The following ARB2A variants were observed in gnomAD, a reference collection of about 807,000 sequenced individuals.
ARB2A encodes ARB2 cotranscriptional regulator A.
At chr5:93,676,503 G>A in the ARB2A span, among the ~76,000 whole-genome samples, 1 of 152,096 alleles carries the variant, frequency 6.6e-6, no homozygotes, top group Non-Finnish European at 1.5e-5. Context: ...TTTTAATCGA[G>A]TTTTGGCTGG....
chr5:93,909,512 C>T, the ARB2A span, among the ~76,000 whole-genome samples: 1 of 150,922 alleles, frequency 6.6e-6, no homozygotes, highest in Non-Finnish European at 1.5e-5. Flanking sequence ...AAATCAAGCT[C>T]TCATGCTCTA....
At chr5:93,761,252 G>T in the ARB2A span, among the ~76,000 whole-genome samples, 2 of 152,146 alleles carry the variant, frequency 1.3e-5, no homozygotes, top group African/African-American at 4.8e-5. Flanking sequence ...CCAAAGCAGG[G>T]TGAGGTATCC....
At chr5:93,893,241 C>T in the ARB2A span, among the ~76,000 whole-genome samples, 1 of 152,098 alleles carries the variant, frequency 6.6e-6, no homozygotes, top group African/African-American at 2.4e-5. Context: ...ACTTCATGGG[C>T]CACAGCCACT....
chr5:93,835,105 T>C, the ARB2A span, among the ~76,000 whole-genome samples: 1 of 152,200 alleles, frequency 6.6e-6, no homozygotes, highest in Non-Finnish European at 1.5e-5. Context: ...TTCTGCTACA[T>C]TCAGAATACA....
chr5:94,104,166 A>T, the ARB2A span, among the ~76,000 whole-genome samples: 4 of 152,004 alleles, frequency 2.6e-5, no homozygotes, highest in South Asian at 8.3e-4. Context: ...GAGCTGACTG[A>T]ACAAAACTAA....
At chr5:93,844,607 G>A in the ARB2A span, among the ~76,000 whole-genome samples, 22 of 151,940 alleles carry the variant, frequency 1.4e-4, no homozygotes, top group African/African-American at 5.3e-4. Context: ...TTTAAAATAA[G>A]AAATAAATCA....
At chr5:93,866,041 TATA>T in the ARB2A span, 12 of 983,198 alleles carry the variant, frequency 1.2e-5, no homozygotes, top group Non-Finnish European at 1.3e-5. Context: ...CTAAATAATC[TATA>T]ATATGCTATT....
the ARB2A span, among the ~76,000 whole-genome samples, chr5:94,068,601 A>G: frequency 3.1e-4 from 47 of 152,232 alleles, no homozygotes; most frequent in East Asian, 7.7e-3. Flanking sequence ...CTCAGGCAAT[A>G]TATGATTTGA....
the ARB2A span, among the ~76,000 whole-genome samples, chr5:93,983,172 TGTGTGTGTGTGTG>T: frequency 4.0e-3 from 1 of 250 alleles, no homozygotes; most frequent in East Asian, 0.5. Flanking sequence ...TGTGGAGAGG[TGTGTGTGTGTGTG>T]TGTGTGTGTG....
At chr5:94,072,702 A>G in the ARB2A span, among the ~76,000 whole-genome samples, 3 of 152,132 alleles carry the variant, frequency 2.0e-5, no homozygotes, top group Non-Finnish European at 4.4e-5. Flanking sequence ...AGTAAGAGGC[A>G]GTAAACTAAA....
At chr5:93,817,733 A>G in the ARB2A span, among the ~76,000 whole-genome samples, 1 of 152,204 alleles carries the variant, frequency 6.6e-6, no homozygotes, top group Non-Finnish European at 1.5e-5. Context: ...GTATTTTTCA[A>G]TAAGTGGTGC....
At chr5:93,692,353 AAAAACAAAAC>A in the ARB2A span, among the ~76,000 whole-genome samples, 1 of 152,048 alleles carries the variant, frequency 6.6e-6, no homozygotes, top group South Asian at 2.1e-4. Flanking sequence ...AAACAAAAAC[AAAAACAAAAC>A]AAAACAAGCA....
the ARB2A span, among the ~76,000 whole-genome samples, chr5:93,952,241 T>A: frequency 1.3e-5 from 2 of 152,184 alleles, no homozygotes; most frequent in Non-Finnish European, 2.9e-5. Flanking sequence ...GAAATTTATA[T>A]GGAACCACAA....
chr5:93,850,982 T>C, the ARB2A span, among the ~76,000 whole-genome samples: 5 of 152,226 alleles, frequency 3.3e-5, no homozygotes, highest in East Asian at 1.9e-4. Flanking sequence ...TCTTAGTCAT[T>C]GATTGGTTCT....
At chr5:94,029,100 T>C in the ARB2A span, among the ~76,000 whole-genome samples, 1 of 152,272 alleles carries the variant, frequency 6.6e-6, no homozygotes, top group East Asian at 1.9e-4. Flanking sequence ...CAAGCGATTT[T>C]CCCACCTCAT....
the ARB2A span, among the ~76,000 whole-genome samples, chr5:93,811,933 G>C: frequency 6.6e-6 from 1 of 152,078 alleles, no homozygotes; most frequent in Non-Finnish European, 1.5e-5. Context: ...ACCCAGTCAT[G>C]TCTTAGGCCA....
the ARB2A span, among the ~76,000 whole-genome samples, chr5:93,638,141 C>T: frequency 6.6e-6 from 1 of 152,206 alleles, no homozygotes; most frequent in Admixed American, 6.5e-5. Context: ...CCATATGTGA[C>T]ACTTCCTTAG....
the ARB2A span, among the ~76,000 whole-genome samples, chr5:94,096,930 A>G: frequency 6.6e-6 from 1 of 152,116 alleles, no homozygotes; most frequent in Non-Finnish European, 1.5e-5. Context: ...GGAATGGCCT[A>G]CTCTCACCAT....
chr5:93,659,709 C>T, the ARB2A span, among the ~76,000 whole-genome samples: 2 of 152,096 alleles, frequency 1.3e-5, no homozygotes, highest in Non-Finnish European at 1.5e-5. Flanking sequence ...TGAGTTCTTA[C>T]CATGTGCAAG....
Sources: gnomAD v4.1 joint callset for allele counts (sites outside exome capture counted in the v4.1 genomes callset) on GRCh38, gnomAD v4.1.1 for gene constraint, MANE v1.5 for transcripts, NCBI Gene and HGNC (gene_info 2026-07-23, HGNC 2026-07-21) for gene names.